Variants in CDC14B observed in about 807,000 individuals in gnomAD.
CDC14B encodes the protein dual specificity protein phosphatase CDC14B.
In CDC14B, 22 loss-of-function variants were observed where a neutral mutation model predicts 64.2. That is an observed-to-expected ratio of 0.34 (90% CI 0.24 to 0.49). CDC14B has a LOEUF of 0.49. CDC14B is among the 20% of genes least tolerant of loss of function. The pLI is 0.99. For missense variants in CDC14B, 498 were observed against 629.9 expected (o/e 0.79, Z 2.24); for synonymous variants, 191 against 215.8 (o/e 0.89, Z 1.01).
In CDC14B at chr9:96,531,120, G is replaced by C. The variant is rs530861947; in HGVS notation, c.946+2807C>G. On this transcript the variant is annotated intron_variant, in intron 9 of 13. Transcript: ENST00000375241. Reference sequence around the variant, plus strand: ...CTGGCCTATAGTTAGTTATCTTATAGTGTCTTTTTGTTTTTGGTATCAGGG... The same window carrying C: ...CTGGCCTATAGTTAGTTATCTTATACTGTCTTTTTGTTTTTGGTATCAGGG... Among the ~76,000 whole-genome samples the C allele has an allele frequency of 3.9e-5, 6 of 152,258 alleles. No individual in the cohort carries two copies. In the South Asian group the frequency reaches 6.2e-4, roughly 16 times the overall value.
chr9:96,507,680 C>G (rs1376840607), intron 13 of CDC14B, among the ~76,000 whole-genome samples: 1 of 152,084 alleles, frequency 6.6e-6, no homozygotes, highest in East Asian at 1.9e-4. Context: ...TCCCAAAGTC[C>G]TGGGATTACA....
At chr9:96,517,100 G>A (rs1397658736) in intron 12 of CDC14B, among the ~76,000 whole-genome samples, 1 of 151,632 alleles carries the variant, frequency 6.6e-6, no homozygotes, top group Non-Finnish European at 1.5e-5. Flanking sequence ...AGCACTTTGG[G>A]AGGCTGAGGC....
At position 96,534,068 on chromosome 9, in the gene CDC14B, C is replaced by T. The variant is rs1398111533; in HGVS notation, c.805G>A (p.Asp269Asn). 5.0e-6 allele frequency: 8 copies of T among 1,612,868 alleles called. No individual in the cohort carries two copies. The highest frequency in any genetic ancestry group is 2.2e-5 in the East Asian group (1 of 44,880). ...CCAGCATCCGTAAAGCGTTTGGCAT[C>T]ATACATCCTTTTATTCAGACGAATA... is the stretch of plus-strand genomic sequence containing the variant. ...TIIRLNKRMYDAKRFTDAGFD... is the reference protein window; with the variant it reads ...TIIRLNKRMYNAKRFTDAGFD... The change falls in exon 9 of 14, where the codon GAT becomes AAT. Residue 269 changes from aspartate (D) to asparagine (N), a missense_variant. Transcript: ENST00000375241.
At chr9:96,616,960 TTAAG>T (rs1456548364) in intron 1 of CDC14B, among the ~76,000 whole-genome samples, 1 of 152,024 alleles carries the variant, frequency 6.6e-6, no homozygotes, top group Non-Finnish European at 1.5e-5. Context: ...AACAGACTGA[TTAAG>T]TATCATTTTT....
intron 1 of CDC14B, chr9:96,566,744 G>T: frequency 1.3e-6 from 2 of 1,597,998 alleles, no homozygotes; most frequent in Non-Finnish European, 1.7e-6. Context: ...GCCCCCAGGG[G>T]AAGCCCCCGC....
intron 1 of CDC14B, chr9:96,618,725 T>C (rs981457719): frequency 4.9e-6 from 2 of 406,764 alleles, no homozygotes; most frequent in Non-Finnish European, 9.5e-6. Context: ...GTCCCAAGGC[T>C]ACGGAGCAGC....
At chr9:96,600,170 G>A (rs995155717) in intron 1 of CDC14B, among the ~76,000 whole-genome samples, 1 of 151,834 alleles carries the variant, frequency 6.6e-6, no homozygotes, top group African/African-American at 2.4e-5. Context: ...CGAGGTGGGA[G>A]AATCACTTGA....
At chr9:96,576,121 C>CA (rs903629037) in intron 1 of CDC14B, among the ~76,000 whole-genome samples, 4 of 150,860 alleles carry the variant, frequency 2.7e-5, no homozygotes, top group South Asian at 4.2e-4. Flanking sequence ...ATACTAAAAA[C>CA]AAAAAAATTA....
chr9:96,564,527 C>T (rs1843654367), intron 3 of CDC14B, among the ~76,000 whole-genome samples: 1 of 152,124 alleles, frequency 6.6e-6, no homozygotes, highest in Non-Finnish European at 1.5e-5. Context: ...CCCACTTTGG[C>T]TTTTCAAGTA....
chr9:96,539,383 T>C (rs1266939997), intron 6 of CDC14B, among the ~76,000 whole-genome samples: 2 of 152,228 alleles, frequency 1.3e-5, no homozygotes, highest in Non-Finnish European at 2.9e-5. Context: ...GTTTGTGAGA[T>C]GTGCTTTTTT....
At chr9:96,570,110 T>A (rs574933955) in intron 1 of CDC14B, among the ~76,000 whole-genome samples, 2 of 152,334 alleles carry the variant, frequency 1.3e-5, no homozygotes, top group South Asian at 4.1e-4. Flanking sequence ...AAAATGTTAA[T>A]AAAAATATTT....
intron 3 of CDC14B, among the ~76,000 whole-genome samples, chr9:96,563,655 GAAAAA>G (rs35893039): frequency 1.2e-5 from 1 of 81,618 alleles, no homozygotes; most frequent in Non-Finnish European, 2.4e-5. Context: ...TGTCTCACGG[GAAAAA>G]AAAAAAAAAA....
chr9:96,542,523 C>T (rs1004973967), intron 5 of CDC14B, among the ~76,000 whole-genome samples: 9 of 151,890 alleles, frequency 5.9e-5, no homozygotes, highest in African/African-American at 2.2e-4. Flanking sequence ...ATAGAGATAA[C>T]GTCTTGCCCT....
intron 5 of CDC14B, among the ~76,000 whole-genome samples, chr9:96,547,267 C>T (rs1238648830): frequency 6.6e-6 from 1 of 151,684 alleles, no homozygotes; most frequent in Non-Finnish European, 1.5e-5. Context: ...GAGTTCAAGA[C>T]CAGCCTGGCC....
chr9:96,551,815 T>C lies in CDC14B; in HGVS notation c.478A>G (p.Thr160Ala), dbSNP rs1387975092. ...EAYRILIFGE[T>A]SYIPFRDAAY... ...ATTTACCTGAAAGGAATATAGGATG[T>C]CTCTCCAAAGATTAATATTCTATAT... Residue 160 changes from threonine to alanine, a missense_variant, in exon 5 of 14, where the codon ACA (threonine) becomes GCA (alanine). By Grantham distance (58) the Thr-to-Ala change is moderately conservative. Coordinates refer to ENST00000375241, the MANE Select transcript of CDC14B (RefSeq NM_033331.4). 3 of 1,610,790 alleles carry C rather than the reference T, an allele frequency of 1.9e-6. No individual in the cohort carries two copies. The highest frequency in any genetic ancestry group is 3.3e-5 in the Admixed American group (2 of 59,746).
chr9:96,526,451 G>A lies in CDC14B; in HGVS notation c.947-2726C>T, dbSNP rs150183778. ...ATGACAGACATCTGCACTGCAAGCC[G>A]AGGAGAGAGGCCTCCCCAGAAAACA... On this transcript the variant is annotated intron_variant, in intron 9 of 13. Transcript: ENST00000375241. Among the ~76,000 whole-genome samples, 753 of 152,282 alleles carry A rather than the reference G, an allele frequency of 4.9e-3. 4 individuals carry two copies. Among genetic ancestry groups the A allele is most frequent in the Non-Finnish European group, 6.3e-3 (429 of 68,022 alleles).
At position 96,517,400 on chromosome 9, in the gene CDC14B, C is replaced by A. The variant is rs530789008; in HGVS notation, c.1343+5106G>T. 1.8e-4 allele frequency among the ~76,000 whole-genome samples: 27 copies of A among 149,366 alleles called. No homozygotes were observed. The East Asian group carries it at 5.3e-3, about 30-fold the overall frequency. Reference sequence around the variant, plus strand: ...GGGCGTGGTGGCTCACACCTGTAATCCCAGCACTTTGGGAGGCTGAGGCGG... The same window carrying A: ...GGGCGTGGTGGCTCACACCTGTAATACCAGCACTTTGGGAGGCTGAGGCGG... On this transcript the variant is annotated intron_variant, in intron 12 of 13. Transcript: ENST00000375241.
chr9:96,494,712 TCTTC>T (rs981319128), intron 13 of CDC14B, among the ~76,000 whole-genome samples: 3 of 141,480 alleles, frequency 2.1e-5, no homozygotes, highest in Non-Finnish European at 4.7e-5. Flanking sequence ...TTTCTTTCTT[TCTTC>T]CTTTCCTTTC....
chr9:96,593,241 C>T (rs1333451133), intron 1 of CDC14B, among the ~76,000 whole-genome samples: 1 of 152,134 alleles, frequency 6.6e-6, no homozygotes, highest in Non-Finnish European at 1.5e-5. Flanking sequence ...GTAATCCCAG[C>T]ACTTTGGGAG....
Sources: allele counts gnomAD v4.1 joint callset (sites outside exome capture counted in the v4.1 genomes callset), GRCh38; gene constraint gnomAD v4.1.1; transcripts MANE v1.5; gene names NCBI Gene and HGNC (gene_info 2026-07-23, HGNC 2026-07-21).